Variants in PCDHGA12 observed in about 807,000 individuals in gnomAD.
The protein encoded by PCDHGA12 is protocadherin gamma-A12.
A neutral mutation model predicts 61.1 loss-of-function variants in PCDHGA12; 43 were observed. The ratio of observed to expected loss-of-function variants is 0.70; its 90% CI spans 0.55 to 0.91. PCDHGA12 has a LOEUF of 0.91. Among genes scored for constraint, PCDHGA12 ranks in the 40% least tolerant of loss-of-function variants. The probability of loss-of-function intolerance (pLI) is 0.00; values close to 1 mark genes in which losing one functional copy is unlikely to be tolerated. For synonymous variants in PCDHGA12, 520 were observed against 542.9 expected, an observed-to-expected ratio of 0.96 and a Z score of 0.59; for missense variants, 1,236 against 1,227.7, an observed-to-expected ratio of 1.01 and a Z score of -0.10.
chr5:141,460,128 T>C (rs10051366), intron 1 of PCDHGA12, among the ~76,000 whole-genome samples: 42,386 of 151,808 alleles, frequency 0.28, 6,635 homozygotes, highest in African/African-American at 0.43. Context: ...ATATGTAATA[T>C]ATATATTCTT....
At chr5:141,503,675 T>C (rs1233495836) in intron 2 of PCDHGA12, among the ~76,000 whole-genome samples, 1 of 152,104 alleles carries the variant, frequency 6.6e-6, no homozygotes. Flanking sequence ...CTTCCCACTT[T>C]TGGGAAGGAG....
At position 141,501,290 on chromosome 5, in the gene PCDHGA12, TACACACACACAC is replaced by T. The variant is rs55762287; in HGVS notation, c.2484-4070_2484-4059del. Among the ~76,000 whole-genome samples, 15 of 136,248 alleles carry T rather than the reference TACACACACACAC, an allele frequency of 1.1e-4. No homozygotes were observed. The South Asian group carries it at 1.2e-3, about 11-fold the overall frequency. The allele number at this position is 136,248 out of a possible 152,430, so 89.4% of individuals were successfully genotyped here. A position where few individuals can be genotyped will look rare whatever the true frequency, so the allele number is the denominator to read the frequency against. ...GTCCAGTCTATGGGATATTCCCTTA[TACACACACACAC>T]ACACACACACACACACACACACACA... On this transcript the variant is annotated intron_variant, in intron 2 of 3. Transcript: ENST00000252085.
At position 141,491,514 on chromosome 5, in the gene PCDHGA12, G is replaced by A. The variant is rs753335815; in HGVS notation, c.2425-3293G>A. ...AGGTGAGCTCGGACGGCACGCTCAAGTACATGGAGGTGACGCTGCGGCCCA... is the reference window on the plus strand; with the variant it reads ...AGGTGAGCTCGGACGGCACGCTCAAATACATGGAGGTGACGCTGCGGCCCA... On this transcript the variant is annotated intron_variant, in intron 1 of 3. Coordinates refer to ENST00000252085, the MANE Select transcript of PCDHGA12 (RefSeq NM_003735.3). The surrounding 1 kb of genome is among the most constrained non-coding windows in gnomAD (Gnocchi z 6.9). 2 of 1,613,964 alleles carry A rather than the reference G, an allele frequency of 1.2e-6. No individual in the cohort carries two copies. Among genetic ancestry groups the A allele is most frequent in the East Asian group, 2.2e-5 (1 of 44,892 alleles).
chr5:141,499,191 C>A (rs920773306), intron 2 of PCDHGA12, among the ~76,000 whole-genome samples: 1 of 152,116 alleles, frequency 6.6e-6, no homozygotes, highest in Non-Finnish European at 1.5e-5. Context: ...ACCATTTCCC[C>A]CTTCTTAGGC....
Position 141,476,217 on chromosome 5 carries a change from A to G in PCDHGA12, c.2425-18590A>G. On this transcript the variant is annotated intron_variant, in intron 1 of 3. Coordinates refer to ENST00000252085, the MANE Select transcript of PCDHGA12 (RefSeq NM_003735.3). This position sits in a 1 kb window ranked among gnomAD's most constrained non-coding sequence, Gnocchi z 7.6. ...TTGAACAAGGCTTCCACGGTCATTC[A>G]CTATGAGATCCCGGAGGAAAGAGAG... The G allele has an allele frequency of 6.2e-7, 1 of 1,613,836 alleles. No homozygotes were observed. The highest frequency in any genetic ancestry group is 2.2e-5 in the East Asian group (1 of 44,818).
chr5:141,501,442 T>C (rs1202229661), intron 2 of PCDHGA12, among the ~76,000 whole-genome samples: 1 of 152,016 alleles, frequency 6.6e-6, no homozygotes, highest in African/African-American at 2.4e-5. Context: ...ATTTCTTCCA[T>C]TTTTACTTTT....
chr5:141,485,118 G>C lies in PCDHGA12; in HGVS notation c.2425-9689G>C, dbSNP rs547390669. 1 of 1,331,536 alleles carries C rather than the reference G, an allele frequency of 7.5e-7. No homozygotes were observed. Among genetic ancestry groups the C allele is most frequent in the East Asian group, 2.3e-5 (1 of 43,534 alleles). The allele number at this position is 1,331,536 out of a possible 1,614,324, so 82.5% of individuals were successfully genotyped here. On this transcript the variant is annotated intron_variant, in intron 1 of 3. Coordinates refer to ENST00000252085, the MANE Select transcript of PCDHGA12 (RefSeq NM_003735.3). The surrounding 1 kb of genome is among the most constrained non-coding windows in gnomAD (Gnocchi z 5.7). ...TCTCCAGCTGCTGTGGCTGTTTGGG[G>C]CGGGTCGGCTTCATCCGCGTCTCAG...
At position 141,433,007 on chromosome 5, in the gene PCDHGA12, C is replaced by T. The variant is rs550227016; in HGVS notation, c.2248C>T (p.Leu750=). ...FVGVDGVQAF[L]QTYSHEVSLT... is the part of the protein sequence containing the mutation. ...GGGCGTGGACGGGGTGCAGGCTTTC[C>T]TGCAGACCTATTCCCACGAGGTTTC... Residue 750 remains leucine (L), a synonymous_variant, in exon 1 of 4, where the codon CTG becomes TTG. Transcript: ENST00000252085. 2 of 1,614,198 alleles carry T rather than the reference C, an allele frequency of 1.2e-6. No homozygotes were observed. Among genetic ancestry groups the T allele is most frequent in the Admixed American group, 3.3e-5 (2 of 60,022 alleles).
intron 1 of PCDHGA12, among the ~76,000 whole-genome samples, chr5:141,455,959 G>T (rs112864392): frequency 0.11 from 16,680 of 150,504 alleles, 1,459 homozygotes; most frequent in African/African-American, 0.24. Context: ...GTGCAGTGGC[G>T]CGATCTCAGC....
At position 141,491,134 on chromosome 5, in the gene PCDHGA12, C is replaced by T. The variant is rs1594979273; in HGVS notation, c.2425-3673C>T. Reference sequence around the variant, plus strand: ...ACACACTGGTGAGGTGCGCACAGCCCGGGCCTTACTGGAGGATGACTCTGA... The same window carrying T: ...ACACACTGGTGAGGTGCGCACAGCCTGGGCCTTACTGGAGGATGACTCTGA... On this transcript the variant is annotated intron_variant, in intron 1 of 3. Transcript: ENST00000252085. The surrounding 1 kb of genome is among the most constrained non-coding windows in gnomAD (Gnocchi z 6.9). The T allele has an allele frequency of 6.2e-7, 1 of 1,614,138 alleles. No homozygotes were observed. Among genetic ancestry groups the T allele is most frequent in the Non-Finnish European group, 8.5e-7 (1 of 1,179,994 alleles).
At chr5:141,459,236 G>A (rs1248794102) in intron 1 of PCDHGA12, among the ~76,000 whole-genome samples, 2 of 152,176 alleles carry the variant, frequency 1.3e-5, no homozygotes, top group African/African-American at 2.4e-5. Context: ...CAACTGGTCT[G>A]CTTCCTGTCA....
intron 1 of PCDHGA12, among the ~76,000 whole-genome samples, chr5:141,449,131 G>A (rs530494400): frequency 7.9e-5 from 12 of 152,220 alleles, no homozygotes; most frequent in Non-Finnish European, 1.3e-4. Flanking sequence ...CCCAGAAATG[G>A]AATTGAAATT....
intron 1 of PCDHGA12, among the ~76,000 whole-genome samples, chr5:141,460,764 G>A (rs2098996981): frequency 6.6e-6 from 1 of 150,516 alleles, no homozygotes; most frequent in Admixed American, 6.7e-5. Flanking sequence ...TATACATATT[G>A]CATATGTATG....
chr5:141,477,253 G>A lies in PCDHGA12; in HGVS notation c.2425-17554G>A, dbSNP rs1303718568. The A allele has an allele frequency of 1.9e-6, 3 of 1,614,154 alleles. No individual in the cohort carries two copies. The highest frequency in any genetic ancestry group is 2.2e-5 in the South Asian group (2 of 91,070). Reference sequence around the variant, plus strand: ...TCGCTTTGCTCAGTGTGACTGACCTGGATGCTGGCGAGAACGGGCTGGTGA... The same window carrying A: ...TCGCTTTGCTCAGTGTGACTGACCTAGATGCTGGCGAGAACGGGCTGGTGA... On this transcript the variant is annotated intron_variant, in intron 1 of 3. Transcript: ENST00000252085. This position sits in a 1 kb window ranked among gnomAD's most constrained non-coding sequence, Gnocchi z 4.9.
At chr5:141,454,875 T>G (rs2098805612) in intron 1 of PCDHGA12, among the ~76,000 whole-genome samples, 1 of 144,402 alleles carries the variant, frequency 6.9e-6, no homozygotes, top group African/African-American at 2.6e-5. Context: ...TGGCACGATC[T>G]TGGCTCACTG....
Position 141,487,649 on chromosome 5 carries a change from G to T in PCDHGA12, c.2425-7158G>T. The T allele has an allele frequency of 1.2e-6, 2 of 1,614,020 alleles. No individual in the cohort carries two copies. The highest frequency in any genetic ancestry group is 1.7e-6 in the Non-Finnish European group (2 of 1,179,968). The stretch of plus-strand genomic sequence containing the variant: ...TTTGCAGGCTCAACAAATGCTTGAG[G>T]GTTATTCTGATCCAGGCATATGGCT... On this transcript the variant is annotated intron_variant, in intron 1 of 3. Coordinates refer to ENST00000252085, the MANE Select transcript of PCDHGA12 (RefSeq NM_003735.3). This position sits in a 1 kb window ranked among gnomAD's most constrained non-coding sequence, Gnocchi z 5.0.
At position 141,512,881 on chromosome 5, in the gene PCDHGA12, C is replaced by T. The variant is rs1274589284; in HGVS notation, c.*1708C>T. 1.3e-5 allele frequency: 2 copies of T among 152,268 alleles called. No homozygotes were observed. Among genetic ancestry groups the T allele is most frequent in the African/African-American group, 4.8e-5 (2 of 41,458 alleles). 9.4% of individuals were successfully genotyped at this position (152,268 alleles called of 1,614,324 possible). On this transcript the variant is annotated 3_prime_UTR_variant, in exon 4 of 4. Coordinates refer to ENST00000252085, the MANE Select transcript of PCDHGA12 (RefSeq NM_003735.3). Reference sequence around the variant, plus strand: ...TCGCATAGTCACGTAGCTCCCACCCCACCCTCTTCCTGTGTCTCACGCAAG... The same window carrying T: ...TCGCATAGTCACGTAGCTCCCACCCTACCCTCTTCCTGTGTCTCACGCAAG...
At chr5:141,469,079 C>T (rs1169035651) in intron 1 of PCDHGA12, among the ~76,000 whole-genome samples, 1 of 151,492 alleles carries the variant, frequency 6.6e-6, no homozygotes, top group Non-Finnish European at 1.5e-5. Context: ...GAGTTTGAGA[C>T]CATTCTAGGC....
chr5:141,503,547 C>T (rs545918096), intron 2 of PCDHGA12, among the ~76,000 whole-genome samples: 22 of 147,734 alleles, frequency 1.5e-4, no homozygotes, highest in African/African-American at 4.8e-4. Flanking sequence ...TGCAGTGAGC[C>T]GAGATCGCGC....
Sources: allele counts gnomAD v4.1 joint callset (sites outside exome capture counted in the v4.1 genomes callset), GRCh38; gene constraint gnomAD v4.1.1; non-coding constraint Gnocchi (gnomAD v3.1); transcripts MANE v1.5; gene names NCBI Gene and HGNC (gene_info 2026-07-23, HGNC 2026-07-21).